Variants in USP12 observed in about 807,000 individuals in gnomAD.
The protein encoded by USP12 is ubiquitin specific peptidase 12, also known as ubiquitin carboxyl-terminal hydrolase 12.
Under a neutral mutation model 45.5 loss-of-function variants are expected in USP12, and 19 were observed. The ratio of observed to expected loss-of-function variants is 0.42; its 90% CI spans 0.29 to 0.61. USP12 has a LOEUF of 0.61. USP12 is among the 20% of genes least tolerant of loss of function. USP12 has a pLI of 0.22. For synonymous variants in USP12, 149 were observed against 148.8 expected, an observed-to-expected ratio of 1.00 and a Z score of -0.01; for missense variants, 242 against 447.7, an observed-to-expected ratio of 0.54 and a Z score of 4.15.
intron 1 of USP12, chr13:27,117,679 T>C: frequency 1.9e-6 from 1 of 514,960 alleles, no homozygotes; most frequent in Non-Finnish European, 3.9e-6. Flanking sequence ...ATATACTATA[T>C]ACCTGAGTGA....
chr13:27,106,913 T>C (rs1361892660), intron 2 of USP12, among the ~76,000 whole-genome samples: 3 of 152,184 alleles, frequency 2.0e-5, no homozygotes, highest in African/African-American at 7.2e-5. Flanking sequence ...TAAATGTATA[T>C]GGATTTAATG....
At chr13:27,126,167 C>A (rs376942634) in intron 1 of USP12, among the ~76,000 whole-genome samples, 6 of 152,250 alleles carry the variant, frequency 3.9e-5, no homozygotes, top group African/African-American at 1.4e-4. Flanking sequence ...AGACTGCCTC[C>A]TCAAGTGGGT....
intron 1 of USP12, among the ~76,000 whole-genome samples, chr13:27,161,006 C>T (rs1425775331): frequency 1.3e-5 from 2 of 152,124 alleles, no homozygotes; most frequent in Non-Finnish European, 2.9e-5. Flanking sequence ...CGTCATCTTT[C>T]AAGGCCGTTA....
chr13:27,161,787 C>CA (rs1878117448), intron 1 of USP12, among the ~76,000 whole-genome samples: 2 of 151,766 alleles, frequency 1.3e-5, no homozygotes, highest in Admixed American at 1.3e-4. Flanking sequence ...GAGGCTCAGG[C>CA]AGGAGGATAG....
intron 4 of USP12, among the ~76,000 whole-genome samples, chr13:27,095,128 C>T (rs1393829341): frequency 6.6e-6 from 1 of 152,186 alleles, no homozygotes; most frequent in East Asian, 1.9e-4. Flanking sequence ...GCACTCCAGC[C>T]TGGGTGTAAC....
At chr13:27,091,793 C>T (rs1308869233) in intron 4 of USP12, among the ~76,000 whole-genome samples, 2 of 152,188 alleles carry the variant, frequency 1.3e-5, no homozygotes, top group Non-Finnish European at 2.9e-5. Context: ...TGAAAAGGAA[C>T]CCTCATAGAG....
intron 1 of USP12, among the ~76,000 whole-genome samples, chr13:27,132,920 GAGCC>G (rs1225715452): frequency 1.3e-5 from 2 of 152,214 alleles, no homozygotes; most frequent in Admixed American, 6.5e-5. Context: ...AGGCTCCATT[GAGCC>G]AGCTATTCTG....
At chr13:27,074,576 G>A (rs889023753) in intron 7 of USP12, among the ~76,000 whole-genome samples, 18 of 152,282 alleles carry the variant, frequency 1.2e-4, no homozygotes, top group Middle Eastern at 3.4e-3. Flanking sequence ...AGTCAATGAA[G>A]ACAGTTATGT....
intron 1 of USP12, among the ~76,000 whole-genome samples, chr13:27,123,249 C>A (rs905368682): frequency 6.6e-6 from 1 of 152,142 alleles, no homozygotes; most frequent in South Asian, 2.1e-4. Flanking sequence ...TTATAAATGA[C>A]CTGTAACAAA....
At chr13:27,149,659 G>A (rs1389307815) in intron 1 of USP12, among the ~76,000 whole-genome samples, 1 of 152,124 alleles carries the variant, frequency 6.6e-6, no homozygotes, top group East Asian at 1.9e-4. Context: ...GGTGGTTAAT[G>A]AATACAAAAT....
chr13:27,119,538 A>T (rs1036290754), intron 1 of USP12, among the ~76,000 whole-genome samples: 1 of 152,236 alleles, frequency 6.6e-6, no homozygotes, highest in African/African-American at 2.4e-5. Context: ...TTGGGTTTTC[A>T]AGTAAGGCTT....
intron 1 of USP12, among the ~76,000 whole-genome samples, chr13:27,150,539 G>A (rs572995111): frequency 6.6e-6 from 1 of 152,256 alleles, no homozygotes; most frequent in African/African-American, 2.4e-5. Context: ...CAGGCTCCAT[G>A]AGATCTCCAT....
intron 2 of USP12, among the ~76,000 whole-genome samples, chr13:27,110,396 A>G (rs1324625396): frequency 2.0e-5 from 3 of 152,234 alleles, no homozygotes; most frequent in Admixed American, 6.5e-5. Context: ...AAGCTCTGCT[A>G]TGTTCAATCT....
intron 1 of USP12, among the ~76,000 whole-genome samples, chr13:27,145,784 G>A (rs1877281065): frequency 1.3e-5 from 2 of 151,952 alleles, no homozygotes; most frequent in African/African-American, 4.8e-5. Flanking sequence ...TAGAGAAAAT[G>A]AGAAACAATG....
At chr13:27,143,194 GA>G (rs1877150660) in intron 1 of USP12, among the ~76,000 whole-genome samples, 1 of 151,346 alleles carries the variant, frequency 6.6e-6, no homozygotes, top group Admixed American at 6.6e-5. Flanking sequence ...TCATCAAAAA[GA>G]ATGATTGTAA....
chr13:27,071,606 C>G (rs974143369), intron 7 of USP12, among the ~76,000 whole-genome samples: 11 of 152,218 alleles, frequency 7.2e-5, no homozygotes, highest in African/African-American at 2.6e-4. Context: ...ATGCTTGAAA[C>G]AGGCAAGGAT....
At chr13:27,072,670 GA>G (rs1873298813) in intron 7 of USP12, among the ~76,000 whole-genome samples, 1 of 152,140 alleles carries the variant, frequency 6.6e-6, no homozygotes, top group African/African-American at 2.4e-5. Flanking sequence ...CCACAGGAGA[GA>G]CCTCATCCAG....
At chr13:27,139,532 C>G (rs972960866) in intron 1 of USP12, among the ~76,000 whole-genome samples, 8 of 152,180 alleles carry the variant, frequency 5.3e-5, no homozygotes, top group Non-Finnish European at 8.8e-5. Context: ...AGGAGAATCG[C>G]TTGAACCTGG....
At chr13:27,107,715 C>T (rs1290039772) in intron 2 of USP12, among the ~76,000 whole-genome samples, 3 of 152,066 alleles carry the variant, frequency 2.0e-5, no homozygotes, top group Admixed American at 6.6e-5. Context: ...ACAAGATCTG[C>T]GATAAGAAAT....
Sources: allele counts gnomAD v4.1 joint callset (sites outside exome capture counted in the v4.1 genomes callset), GRCh38; gene constraint gnomAD v4.1.1; transcripts MANE v1.5; gene names NCBI Gene and HGNC (gene_info 2026-07-23, HGNC 2026-07-21).